DSEL: variants seen among roughly 807,000 people sequenced by gnomAD.
DSEL encodes dermatan-sulfate epimerase-like protein.
DSEL carries 61 observed loss-of-function variants against 96.6 expected under a neutral mutation model. The ratio of observed to expected loss-of-function variants is 0.63; its 90% CI spans 0.51 to 0.78. The LOEUF (loss-of-function observed/expected upper bound fraction) is 0.78, where lower values mean the gene tolerates loss of function less well. Among genes scored for constraint, DSEL ranks in the 30% least tolerant of loss-of-function variants. The probability of loss-of-function intolerance (pLI) is 0.00; values close to 1 mark genes in which losing one functional copy is unlikely to be tolerated. For missense variants in DSEL, 1,320 were observed against 1,430.8 expected (o/e 0.92, Z 1.25); for synonymous variants, 514 against 502.0 (o/e 1.02, Z -0.32).
chr18:67,510,358 G>A lies in DSEL; in HGVS notation c.*612C>T, dbSNP rs1035287228. 2 of 151,952 alleles carry A rather than the reference G, an allele frequency of 1.3e-5. No homozygotes were observed. Among genetic ancestry groups the A allele is most frequent in the Non-Finnish European group, 2.9e-5 (2 of 67,990 alleles). The allele number at this position is 151,952 out of a possible 1,614,324, so 9.4% of individuals were successfully genotyped here. ...AAGGAGGCTTTTAAAGTCAGTTTCC[G>A]ACCTCAAAAAAACATATTCATTCTG... On this transcript the variant is annotated 3_prime_UTR_variant, in exon 2 of 2. Coordinates refer to ENST00000310045, the MANE Select transcript of DSEL (RefSeq NM_032160.3).
rs1440552408 is a variant in DSEL at position 67,516,164 on chromosome 18, G to A, written c.-885+197C>T. Reference sequence around the variant, plus strand: ...TCTCCGTGCCCGTCCGCGGCTGGAAGAACCTAAGCAAGTTTCAGTCTTGGA... The same window carrying A: ...TCTCCGTGCCCGTCCGCGGCTGGAAAAACCTAAGCAAGTTTCAGTCTTGGA... On this transcript the variant is annotated intron_variant, in intron 1 of 1. Coordinates refer to ENST00000310045, the MANE Select transcript of DSEL (RefSeq NM_032160.3). The surrounding 1 kb of genome is among the most constrained non-coding windows in gnomAD (Gnocchi z 5.6). 6.6e-6 allele frequency among the ~76,000 whole-genome samples: 1 copy of A among 152,176 alleles called. No individual in the cohort carries two copies. The highest frequency in any genetic ancestry group is 1.5e-5 in the Non-Finnish European group (1 of 68,026).
rs1013702457 is a variant in DSEL at position 67,508,865 on chromosome 18, A to C, written c.*2105T>G. ...TGCCTCAGCCTCCCGTGTAGCTGGG[A>C]CTACAGGTGCCCGCCACCACGCCCG... On this transcript the variant is annotated 3_prime_UTR_variant, in exon 2 of 2. Coordinates refer to ENST00000310045, the MANE Select transcript of DSEL (RefSeq NM_032160.3). 3 of 151,146 alleles carry C rather than the reference A, an allele frequency of 2.0e-5. No individual in the cohort carries two copies. Among genetic ancestry groups the C allele is most frequent in the Non-Finnish European group, 4.4e-5 (3 of 68,148 alleles). 9.4% of individuals were successfully genotyped at this position (151,146 alleles called of 1,614,324 possible). A position where few individuals can be genotyped will look rare whatever the true frequency, so the allele number is the denominator to read the frequency against.
rs1261621934 is a variant in DSEL at position 67,506,926 on chromosome 18, A to G, written c.*4044T>C. On this transcript the variant is annotated 3_prime_UTR_variant, in exon 2 of 2. Coordinates refer to ENST00000310045, the MANE Select transcript of DSEL (RefSeq NM_032160.3). ...AATCCAAAGTCATTTGCGTCTTTAA[A>G]AATGATATGGATAATTTTTCTTCCG... is the stretch of plus-strand genomic sequence containing the variant. The G allele has an allele frequency of 6.6e-6, 1 of 152,216 alleles. No homozygotes were observed. Among genetic ancestry groups the G allele is most frequent in the East Asian group, 1.9e-4 (1 of 5,202 alleles). The allele number at this position is 152,216 out of a possible 1,614,324, so 9.4% of individuals were successfully genotyped here.
chr18:67,514,291 A>T lies in DSEL; in HGVS notation c.318T>A (p.Pro106=), dbSNP rs758572635. The T allele has an allele frequency of 1.3e-5, 21 of 1,614,074 alleles. No homozygotes were observed. The highest frequency in any genetic ancestry group is 1.4e-5 in the Non-Finnish European group (17 of 1,180,038). ...CAGCAAAATCAGCATGCTTTGGTGG[A>T]GGTAGGTAGTATGTTGGGTTGGACA... The part of the protein sequence containing the change: ...VMLSNPTYYL[P]PPKHADFAAK... Residue 106 remains proline (P), a synonymous_variant, in exon 2 of 2, where the codon CCT becomes CCA. Coordinates refer to ENST00000310045, the MANE Select transcript of DSEL (RefSeq NM_032160.3).
Position 67,513,302 on chromosome 18 carries a change from T to C in DSEL, c.1307A>G (p.Lys436Arg), listed in dbSNP as rs1033078725. ...NTQTNTFVSF[K>R]SGKLGGRAVY... ...AGCTCGTCCCCCCAGCTTCCCAGAT[T>C]TAAAAGACACAAAGGTGTTGGTCTG... Residue 436 changes from lysine (K) to arginine (R), a missense_variant, in exon 2 of 2, where the codon AAA becomes AGA. Transcript: ENST00000310045. 6.2e-7 allele frequency: 1 copy of C among 1,614,058 alleles called. No homozygotes were observed. The highest frequency in any genetic ancestry group is 1.7e-5 in the Admixed American group (1 of 59,996).
chr18:67,507,707 T>C lies in DSEL; in HGVS notation c.*3263A>G, dbSNP rs1056779662. The C allele has an allele frequency of 2.0e-5, 3 of 152,214 alleles. No homozygotes were observed. Among genetic ancestry groups the C allele is most frequent in the Non-Finnish European group, 4.4e-5 (3 of 68,040 alleles). 9.4% of individuals were successfully genotyped at this position (152,214 alleles called of 1,614,324 possible). ...TTGATACAAGGAAGGATTGTCCCAT[T>C]CTTGTCAGGCATTTATTAGTTATTC... is the stretch of plus-strand genomic sequence containing the variant. On this transcript the variant is annotated 3_prime_UTR_variant, in exon 2 of 2. Coordinates refer to ENST00000310045, the MANE Select transcript of DSEL (RefSeq NM_032160.3).
intron 1 of DSEL, 43 bp from the exon 2 acceptor site, chr18:67,515,535 T>C (rs1473079213): frequency 6.1e-6 from 1 of 164,514 alleles, no homozygotes; most frequent in African/African-American, 2.4e-5. Context: ...AGGCTTCAGG[T>C]ATGCTGAGAA....
chr18:67,512,136 G>T lies in DSEL; in HGVS notation c.2473C>A (p.Gln825Lys). Residue 825 changes from glutamine to lysine, a missense_variant, in exon 2 of 2, where the codon CAG (glutamine) becomes AAG (lysine). Physicochemically the swap from Gln to Lys is moderately conservative, Grantham distance 53. Coordinates refer to ENST00000310045, the MANE Select transcript of DSEL (RefSeq NM_032160.3). ...CTTGTCCATTTTGCACAAATGGGCTGACTACAAGTGCTCCACACATCCAAA... is the reference window on the plus strand; with the variant it reads ...CTTGTCCATTTTGCACAAATGGGCTTACTACAAGTGCTCCACACATCCAAA... ...ELLDVWSTCS[Q>K]PICAKWTRTE... 1 of 1,614,172 alleles carries T rather than the reference G, an allele frequency of 6.2e-7. No individual in the cohort carries two copies. The highest frequency in any genetic ancestry group is 8.5e-7 in the Non-Finnish European group (1 of 1,180,038).
rs2089469904 is a variant in DSEL, at chr18:67,515,341, T to C, written c.-733A>G. 6.0e-6 allele frequency: 1 copy of C among 167,008 alleles called. No homozygotes were observed. The highest frequency in any genetic ancestry group is 1.5e-5 in the Non-Finnish European group (1 of 68,118). The allele number at this position is 167,008 out of a possible 1,614,324, so 10.3% of individuals were successfully genotyped here. Reference sequence around the variant, plus strand: ...GAGAAATCATGTTCACATCTTCTTTTATCAGCTTCATGTGTACAAACATAA... The same window carrying C: ...GAGAAATCATGTTCACATCTTCTTTCATCAGCTTCATGTGTACAAACATAA... On this transcript the variant is annotated 5_prime_UTR_variant, in exon 2 of 2. The change creates a new upstream start codon in the 5' untranslated region. Coordinates refer to ENST00000310045, the MANE Select transcript of DSEL (RefSeq NM_032160.3).
In DSEL at chr18:67,511,597, T is replaced by C. The variant is rs144741940; in HGVS notation, c.3012A>G (p.Leu1004=). The change falls in exon 2 of 2, where the codon TTA becomes TTG. Residue 1004 remains leucine (L), a synonymous_variant. Coordinates refer to ENST00000310045, the MANE Select transcript of DSEL (RefSeq NM_032160.3). The part of the protein sequence containing the change: ...YYPSARPVLS[L]SSGSWTLKLH... ...GCTTTAACGTCCAGCTTCCACTGCT[T>C]AAACTGAGCACAGGACGTGCACTTG... The C allele has an allele frequency of 2.8e-5, 45 of 1,614,116 alleles. No homozygotes were observed. Among genetic ancestry groups the C allele is most frequent in the Non-Finnish European group, 3.5e-5 (41 of 1,180,002 alleles).
In DSEL at chr18:67,512,573, G is replaced by A; in HGVS notation, c.2036C>T (p.Ala679Val). ...FQMEPTITRI[A>V]YVFYGPYINV... ...GATATATGGCCCATAAAAGACATATGCAATTCTTGTGATTGTGGGTTCCAT... is the reference window on the plus strand; with the variant it reads ...GATATATGGCCCATAAAAGACATATACAATTCTTGTGATTGTGGGTTCCAT... Residue 679 changes from alanine to valine, a missense_variant, in exon 2 of 2, where the codon GCA (alanine) becomes GTA (valine). Coordinates refer to ENST00000310045, the MANE Select transcript of DSEL (RefSeq NM_032160.3). 1 of 1,614,124 alleles carries A rather than the reference G, an allele frequency of 6.2e-7. No homozygotes were observed. Among genetic ancestry groups the A allele is most frequent in the Non-Finnish European group, 8.5e-7 (1 of 1,179,986 alleles).
rs555180375 is a variant in DSEL at position 67,514,907 on chromosome 18, C to T, written c.-299G>A. ...ACAGGGAAGTGATACAGGTAAAAAACACTATGAATTTAGCATTTACCTCCT... is the reference window on the plus strand; with the variant it reads ...ACAGGGAAGTGATACAGGTAAAAAATACTATGAATTTAGCATTTACCTCCT... On this transcript the variant is annotated 5_prime_UTR_variant, in exon 2 of 2. Coordinates refer to ENST00000310045, the MANE Select transcript of DSEL (RefSeq NM_032160.3). 1.4e-3 allele frequency: 582 copies of T among 402,824 alleles called. 2 individuals carry two copies. The highest frequency in any genetic ancestry group is 2.7e-3 in the Middle Eastern group (4 of 1,492). The allele number at this position is 402,824 out of a possible 1,614,324, so 25.0% of individuals were successfully genotyped here. A position where few individuals can be genotyped will look rare whatever the true frequency, so the allele number is the denominator to read the frequency against.
chr18:67,509,582 A>G lies in DSEL; in HGVS notation c.*1388T>C, dbSNP rs1467466446. The G allele has an allele frequency of 2.6e-5, 4 of 152,188 alleles. No individual in the cohort carries two copies. The highest frequency in any genetic ancestry group is 4.8e-5 in the African/African-American group (2 of 41,448). The allele number at this position is 152,188 out of a possible 1,614,324, so 9.4% of individuals were successfully genotyped here. A position where few individuals can be genotyped will look rare whatever the true frequency, so the allele number is the denominator to read the frequency against. ...TATCACTCTGGAGGCACATTTTGAC[A>G]TAATAATAACTACTGAGAAAGAACC... On this transcript the variant is annotated 3_prime_UTR_variant, in exon 2 of 2. Transcript: ENST00000310045.
Position 67,513,884 on chromosome 18 carries a change from T to A in DSEL, c.725A>T (p.Asp242Val). The A allele has an allele frequency of 1.9e-6, 3 of 1,614,188 alleles. No homozygotes were observed. Among genetic ancestry groups the A allele is most frequent in the Non-Finnish European group, 1.7e-6 (2 of 1,180,026 alleles). The change falls in exon 2 of 2, where the codon GAT becomes GTT. Residue 242 changes from aspartate (D) to valine (V), a missense_variant. Asp to Val is a radical substitution (Grantham distance 152). Transcript: ENST00000310045. ...CCATATATTTGCTTTAGATCCTTTA[T>A]CTACTCCAGTCACCAAGGCCCCTGT... ...LLTGALVTGV[D>V]KGSKANIWKQ...
At position 67,511,706 on chromosome 18, in the gene DSEL, G is replaced by A. The variant is rs1342036207; in HGVS notation, c.2903C>T (p.Pro968Leu). 7 of 1,613,986 alleles carry A rather than the reference G, an allele frequency of 4.3e-6. No homozygotes were observed. The East Asian group carries it at 1.3e-4, about 31-fold the overall frequency. ...GCCTTTCATTTGACTTCTTTGTTCTGGCAAAGACTCTCTCCTTTTAAATTT... is the reference window on the plus strand; with the variant it reads ...GCCTTTCATTTGACTTCTTTGTTCTAGCAAAGACTCTCTCCTTTTAAATTT... ...KRKFKRRESL[P>L]EQRSQMKGAF... Residue 968 changes from proline to leucine, a missense_variant, in exon 2 of 2, where the codon CCA becomes CTA. Around this residue, in one of 3 missense-constraint regions of DSEL, gnomAD observed 986 missense variants for 1,066.4 expected, o/e 0.92. Transcript: ENST00000310045.
rs1002336688 is a variant in DSEL at position 67,514,605 on chromosome 18, C to T, written c.4G>A (p.Ala2Thr). The stretch of plus-strand genomic sequence containing the variant: ...AGTAAATGTCCTGTAAACATTAACG[C>T]CATGATCCATGGGGGAGCTCCTCCC... MALMFTGHLLFL... is the reference protein window; with the variant it reads MTLMFTGHLLFL... The change falls in exon 2 of 2, where the codon GCG (alanine) becomes ACG (threonine). Residue 2 changes from alanine (A) to threonine (T), a missense_variant. Coordinates refer to ENST00000310045, the MANE Select transcript of DSEL (RefSeq NM_032160.3). 6.2e-7 allele frequency: 1 copy of T among 1,613,894 alleles called. No homozygotes were observed. The highest frequency in any genetic ancestry group is 2.2e-5 in the East Asian group (1 of 44,876).
At position 67,508,057 on chromosome 18, in the gene DSEL, CTAT is replaced by C. The variant is rs758990236; in HGVS notation, c.*2910_*2912del. ...CTTTCAAAATTTTAAAATTTCAATCCTATTATTATAATAAAAGCAATTATCTCA... is the reference window on the plus strand; with the variant it reads ...CTTTCAAAATTTTAAAATTTCAATCCTATTATAATAAAAGCAATTATCTCA... On this transcript the variant is annotated 3_prime_UTR_variant, in exon 2 of 2. Coordinates refer to ENST00000310045, the MANE Select transcript of DSEL (RefSeq NM_032160.3). 5 of 151,978 alleles carry C rather than the reference CTAT, an allele frequency of 3.3e-5. No homozygotes were observed. Among genetic ancestry groups the C allele is most frequent in the Non-Finnish European group, 7.4e-5 (5 of 68,024 alleles). 9.4% of individuals were successfully genotyped at this position (151,978 alleles called of 1,614,324 possible). A position where few individuals can be genotyped will look rare whatever the true frequency, so the allele number is the denominator to read the frequency against.
At position 67,513,159 on chromosome 18, in the gene DSEL, A is replaced by G. The variant is rs759389081; in HGVS notation, c.1450T>C (p.Phe484Leu). The change falls in exon 2 of 2, where the codon TTT becomes CTT. Residue 484 changes from phenylalanine to leucine, a missense_variant. By Grantham distance (22) the Phe-to-Leu change is conservative (BLOSUM62 0). Transcript: ENST00000310045. The stretch of plus-strand genomic sequence containing the variant: ...GGTCCATAGAGAGCTTCAGAAACAA[A>G]TACTTGTCCATTGGGGGCAAAAGTA... ...SFTFAPNGQV[F>L]VSEALYGPKL... 3 of 1,614,210 alleles carry G rather than the reference A, an allele frequency of 1.9e-6. No homozygotes were observed. Among genetic ancestry groups the G allele is most frequent in the East Asian group, 4.5e-5 (2 of 44,880 alleles).
Position 67,511,261 on chromosome 18 carries a change from A to T in DSEL, c.3348T>A (p.Asp1116Glu). The T allele has an allele frequency of 6.2e-7, 1 of 1,611,996 alleles. No individual in the cohort carries two copies. Among genetic ancestry groups the T allele is most frequent in the Non-Finnish European group, 8.5e-7 (1 of 1,180,006 alleles). The change falls in exon 2 of 2, where the codon GAT becomes GAA. Residue 1116 changes from aspartate to glutamate, a missense_variant. By Grantham distance (45) the Asp-to-Glu change is conservative. Around this residue, in one of 3 missense-constraint regions of DSEL, gnomAD observed 986 missense variants for 1,066.4 expected, o/e 0.92. Transcript: ENST00000310045. ...NTAAALRINT[D>E]LLPTSYQLVK... ...CCAGCTGGTAGCTAGTAGGCAGCAA[A>T]TCTGTATTTATTCTCAAGGCTGCTG... is the stretch of plus-strand genomic sequence containing the variant.
Sources: allele counts gnomAD v4.1 joint callset (sites outside exome capture counted in the v4.1 genomes callset), GRCh38; gene constraint gnomAD v4.1.1; regional missense constraint gnomAD v4.1.1; non-coding constraint Gnocchi (gnomAD v3.1); transcripts MANE v1.5; gene names NCBI Gene and HGNC (gene_info 2026-07-23, HGNC 2026-07-21).